Variants in ARFIP1 observed in about 807,000 individuals in gnomAD.
ARFIP1 encodes the protein arfaptin-1.
Under a neutral mutation model 42.5 loss-of-function variants are expected in ARFIP1, and 24 were observed. That is an observed-to-expected ratio of 0.57 (90% CI 0.41 to 0.80). The LOEUF (loss-of-function observed/expected upper bound fraction) is 0.80. Ranked by LOEUF, ARFIP1 falls within the 30% of genes least tolerant of loss-of-function variation. ARFIP1 has a pLI of 0.00. For synonymous variants in ARFIP1, 141 were observed against 153.7 expected, an observed-to-expected ratio of 0.92 and a Z score of 0.61; for missense variants, 354 against 434.0, an observed-to-expected ratio of 0.82 and a Z score of 1.64.
At chr4:152,880,630 A>C (rs1013380284) in intron 5 of ARFIP1, among the ~76,000 whole-genome samples, 2 of 152,200 alleles carry the variant, frequency 1.3e-5, no homozygotes, top group Non-Finnish European at 2.9e-5. Context: ...TATTATTCCT[A>C]TATTAACAGT....
At chr4:152,841,418 G>A in intron 2 of ARFIP1, among the ~76,000 whole-genome samples, 1 of 152,140 alleles carries the variant, frequency 6.6e-6, no homozygotes, top group East Asian at 1.9e-4. Context: ...CATTCATTGT[G>A]CTCTTTGTTG....
chr4:152,788,439 G>C (rs1233795813), intron 1 of ARFIP1, among the ~76,000 whole-genome samples: 1 of 152,044 alleles, frequency 6.6e-6, no homozygotes, highest in Non-Finnish European at 1.5e-5. Context: ...TAGCACTTTG[G>C]GAGGTCAAGG....
intron 2 of ARFIP1, among the ~76,000 whole-genome samples, chr4:152,838,570 G>C (rs749632895): frequency 3.3e-5 from 5 of 152,052 alleles, no homozygotes; most frequent in Non-Finnish European, 7.4e-5. Flanking sequence ...TTCTTGATTT[G>C]ATTCTCTTCT....
At chr4:152,809,503 C>T (rs1729280262) in intron 1 of ARFIP1, among the ~76,000 whole-genome samples, 1 of 152,092 alleles carries the variant, frequency 6.6e-6, no homozygotes, top group African/African-American at 2.4e-5. Flanking sequence ...AGAAAGCTCC[C>T]CTAGTAGTTC....
In ARFIP1 at chr4:152,871,219, A is replaced by G. The variant is rs141719952; in HGVS notation, c.298+371A>G. On this transcript the variant is annotated intron_variant, in intron 4 of 8. Transcript: ENST00000353617. Reference sequence around the variant, plus strand: ...GTTAAAGGAAAAACAACCTTCAACAATTAGGTTGGTTGTTTTTAAGAATGG... The same window carrying G: ...GTTAAAGGAAAAACAACCTTCAACAGTTAGGTTGGTTGTTTTTAAGAATGG... Among the ~76,000 whole-genome samples the G allele has an allele frequency of 5.6e-3, 850 of 152,248 alleles. 6 individuals are homozygous for G. The highest frequency in any genetic ancestry group is 0.02 in the African/African-American group (816 of 41,554).
At chr4:152,894,955 A>G (rs911014943) in intron 8 of ARFIP1, among the ~76,000 whole-genome samples, 1 of 152,226 alleles carries the variant, frequency 6.6e-6, no homozygotes, top group Admixed American at 6.5e-5. Flanking sequence ...CAGCATGTGC[A>G]ACTGCCTTGT....
chr4:152,842,990 C>G (rs183141423), intron 2 of ARFIP1, among the ~76,000 whole-genome samples: 135 of 152,128 alleles, frequency 8.9e-4, no homozygotes, highest in African/African-American at 3.1e-3. Context: ...TGTTGAAGAG[C>G]CTTGTTTTGT....
At chr4:152,840,287 A>C (rs1400018761) in intron 2 of ARFIP1, among the ~76,000 whole-genome samples, 1 of 152,134 alleles carries the variant, frequency 6.6e-6, no homozygotes, top group African/African-American at 2.4e-5. Context: ...GTATAGTTTA[A>C]ATCCATTGTT....
At chr4:152,799,620 T>C (rs1450302987) in intron 1 of ARFIP1, among the ~76,000 whole-genome samples, 1 of 152,242 alleles carries the variant, frequency 6.6e-6, no homozygotes, top group Non-Finnish European at 1.5e-5. Flanking sequence ...GTGTTTCACA[T>C]TTGGCAAAGC....
chr4:152,872,130 T>C (rs1003175210), intron 4 of ARFIP1, among the ~76,000 whole-genome samples: 8 of 152,156 alleles, frequency 5.3e-5, no homozygotes, highest in Non-Finnish European at 1.0e-4. Flanking sequence ...AAATTAGTTG[T>C]GGAAATTTTA....
intron 1 of ARFIP1, chr4:152,796,759 T>TTCTTTC: frequency 1.3e-6 from 1 of 744,386 alleles, no homozygotes; most frequent in South Asian, 1.4e-5. Context: ...TCGACTTTCC[T>TTCTTTC]TCTTTCTCTT....
intron 8 of ARFIP1, among the ~76,000 whole-genome samples, chr4:152,889,954 CAT>C (rs1002180213): frequency 5.7e-5 from 8 of 140,134 alleles, no homozygotes; most frequent in Non-Finnish European, 1.1e-4. Flanking sequence ...ATATTTTAGT[CAT>C]ATATACATAT....
Position 152,872,417 on chromosome 4 carries a change from T to G in ARFIP1, c.299-35T>G, listed in dbSNP as rs768026340. On this transcript the variant is annotated intron_variant, in intron 4 of 8. Coordinates refer to ENST00000353617, the MANE Select transcript of ARFIP1 (RefSeq NM_001025595.3). ...TGTTTTCTTTCCCTGCTTGTCTTCA[T>G]CTGGATTGTGTTTTTATCTTTTGTT... 6.5e-6 allele frequency: 9 copies of G among 1,378,400 alleles called. No individual in the cohort carries two copies. The African/African-American group carries it at 1.3e-4, about 20-fold the overall frequency. The allele number at this position is 1,378,400 out of a possible 1,614,324, so 85.4% of individuals were successfully genotyped here. A position where few individuals can be genotyped will look rare whatever the true frequency, so the allele number is the denominator to read the frequency against.
intron 1 of ARFIP1, among the ~76,000 whole-genome samples, chr4:152,826,219 C>G (rs1005911004): frequency 1.3e-5 from 2 of 152,198 alleles, no homozygotes; most frequent in Non-Finnish European, 2.9e-5. Flanking sequence ...GAATCAACCT[C>G]AGTGCCCAAC....
intron 5 of ARFIP1, among the ~76,000 whole-genome samples, chr4:152,876,657 A>G (rs1735364851): frequency 1.3e-5 from 2 of 152,244 alleles, no homozygotes; most frequent in Non-Finnish European, 2.9e-5. Flanking sequence ...TTAATTGCCA[A>G]GATGATGGGG....
At chr4:152,788,538 G>A (rs1289888636) in intron 1 of ARFIP1, among the ~76,000 whole-genome samples, 3 of 152,020 alleles carry the variant, frequency 2.0e-5, no homozygotes, top group Admixed American at 6.5e-5. Context: ...AAAATTAGCT[G>A]GGCATGGTGG....
intron 1 of ARFIP1, among the ~76,000 whole-genome samples, chr4:152,798,631 C>T (rs1731618693): frequency 6.6e-6 from 1 of 152,142 alleles, no homozygotes; most frequent in Admixed American, 6.5e-5. Context: ...ATTCTGTTAG[C>T]AAACAGTAAA....
chr4:152,881,439 C>G (rs1270623579), intron 6 of ARFIP1, among the ~76,000 whole-genome samples: 1 of 151,736 alleles, frequency 6.6e-6, no homozygotes, highest in Non-Finnish European at 1.5e-5. Flanking sequence ...TTTTATTTTG[C>G]CTTTTACTCC....
In ARFIP1 at chr4:152,792,073, G is replaced by A. The variant is rs946388906; in HGVS notation, c.-10+11847G>A. The stretch of plus-strand genomic sequence containing the variant: ...ATAGAGCCACTTAAAAAAATCTTTA[G>A]AATAATAACTGATCTCTGGAATATC... On this transcript the variant is annotated intron_variant, in intron 1 of 8. Coordinates refer to ENST00000353617, the MANE Select transcript of ARFIP1 (RefSeq NM_001025595.3). Among the ~76,000 whole-genome samples the A allele has an allele frequency of 5.3e-5, 8 of 152,124 alleles. No homozygotes were observed. In the East Asian group the frequency reaches 1.5e-3, roughly 29 times the overall value.
Sources: gnomAD v4.1 joint callset for allele counts (sites outside exome capture counted in the v4.1 genomes callset) on GRCh38, gnomAD v4.1.1 for gene constraint, MANE v1.5 for transcripts, NCBI Gene and HGNC (gene_info 2026-07-23, HGNC 2026-07-21) for gene names.